The following CD36 variants were observed in gnomAD, a reference collection of about 807,000 sequenced individuals.
The protein encoded by CD36 is CD36 molecule (CD36 blood group).
Under a neutral mutation model 55.2 loss-of-function variants are expected in CD36, and 119 were observed. The ratio of observed to expected loss-of-function variants is 2.15; its 90% CI spans 1.86 to 2.51. CD36 has a LOEUF of 2.51. CD36 is among the 30% of genes most tolerant of loss of function. The pLI, the probability that CD36 is intolerant of heterozygous loss-of-function variation, is 0.00. For synonymous variants in CD36, 186 were observed against 193.6 expected, an observed-to-expected ratio of 0.96 and a Z score of 0.33; for missense variants, 819 against 555.5, an observed-to-expected ratio of 1.47 and a Z score of -4.77.
At chr7:80,645,725 G>A (rs938473380) in intron 1 of CD36, among the ~76,000 whole-genome samples, 4 of 152,090 alleles carry the variant, frequency 2.6e-5, no homozygotes, top group Non-Finnish European at 5.9e-5. Context: ...AACAGAATTA[G>A]CATGAATCAA....
At chr7:80,662,858 C>G (rs1249131998) in intron 5 of CD36, 132 bp from the exon 6 acceptor site, 17 of 737,908 alleles carry the variant, frequency 2.3e-5, no homozygotes, top group Non-Finnish European at 4.6e-6. Context: ...TGAGTTTTGG[C>G]AGGATCTGGC....
rs565765012 is a variant in CD36 at position 80,643,448 on chromosome 7, T to C, written c.-183-2640T>C. ...TAACTTAATCCTTGAGTTATACATG[T>C]TTTAAATAGATTTTCATACTATATT... On this transcript the variant is annotated intron_variant, in intron 1 of 14. Coordinates refer to ENST00000447544, the MANE Select transcript of CD36 (RefSeq NM_001001548.3). Among the ~76,000 whole-genome samples the C allele has an allele frequency of 5.3e-5, 8 of 152,322 alleles. No homozygotes were observed. The South Asian group carries it at 1.7e-3, about 32-fold the overall frequency.
intron 6 of CD36, among the ~76,000 whole-genome samples, chr7:80,663,546 C>T (rs1290964080): frequency 6.6e-6 from 1 of 152,134 alleles, no homozygotes; most frequent in East Asian, 1.9e-4. Flanking sequence ...ATATACTCCT[C>T]ATTCCTCCTT....
intron 12 of CD36, 149 bp downstream of exon 12, chr7:80,672,992 C>T (rs1797864851): frequency 4.6e-6 from 3 of 656,226 alleles, no homozygotes; most frequent in Admixed American, 2.4e-5. Flanking sequence ...TTATTAAATG[C>T]TTATGACTAA....
intron 8 of CD36, among the ~76,000 whole-genome samples, chr7:80,666,974 AAAC>A (rs1260828280): frequency 3.3e-5 from 5 of 152,202 alleles, no homozygotes; most frequent in Admixed American, 2.6e-4. Flanking sequence ...ATGAGAGAGA[AAAC>A]AATAACAAAG....
At chr7:80,658,004 A>G (rs1334188359) in intron 4 of CD36, among the ~76,000 whole-genome samples, 1 of 152,238 alleles carries the variant, frequency 6.6e-6, no homozygotes, top group Non-Finnish European at 1.5e-5. Flanking sequence ...AATAACAGGC[A>G]TGGTGAGGGT....
At chr7:80,654,929 T>G (rs546005556) in intron 3 of CD36, among the ~76,000 whole-genome samples, 3 of 150,966 alleles carry the variant, frequency 2.0e-5, no homozygotes, top group Non-Finnish European at 4.4e-5. Flanking sequence ...GGAGGACTAG[T>G]CTAAGGGTCA....
upstream of CD36, among the ~76,000 whole-genome samples, chr7:80,636,186 G>T (rs758241085): frequency 2.0e-5 from 3 of 152,086 alleles, no homozygotes; most frequent in Non-Finnish European, 4.4e-5. Context: ...AGGGGAGGAG[G>T]CTTGTAGGAA....
At chr7:80,667,150 G>T (rs754550129) in intron 8 of CD36, among the ~76,000 whole-genome samples, 3 of 152,120 alleles carry the variant, frequency 2.0e-5, no homozygotes, top group Non-Finnish European at 1.5e-5. Flanking sequence ...ATGGGAGGCT[G>T]GTCACAGTGG....
intron 14 of CD36, among the ~76,000 whole-genome samples, chr7:80,674,916 A>G (rs755857489): frequency 1.3e-5 from 2 of 152,102 alleles, no homozygotes; most frequent in Non-Finnish European, 2.9e-5. Flanking sequence ...TTTATCTCAC[A>G]TGATCCCTAA....
At chr7:80,627,029 G>C (rs189191664) in intron 1 of CD36, among the ~76,000 whole-genome samples, 274 of 152,068 alleles carry the variant, frequency 1.8e-3, no homozygotes, top group Non-Finnish European at 3.2e-3. Context: ...TCTCTCCTGA[G>C]ACAGACTATT....
chr7:80,664,811 G>T (rs1042425353), intron 7 of CD36, among the ~76,000 whole-genome samples: 1 of 146,846 alleles, frequency 6.8e-6, no homozygotes, highest in African/African-American at 2.5e-5. Context: ...CAGCATTACA[G>T]TATAATTATT....
chr7:80,674,012 C>CATGTTCA lies in CD36; in HGVS notation c.1285_1291dup (p.Arg431AsnfsTer125), dbSNP rs749971705. On this transcript the variant is annotated frameshift_variant, in exon 14 of 15. Coordinates refer to ENST00000447544, the MANE Select transcript of CD36 (RefSeq NM_001001548.3). LOFTEE classifies it high-confidence loss of function. ...GGACCATTGGTGATGAGAAGGCAAA[C>CATGTTCA]ATGTTCAGAAGTCAAGTAACTGGAA... 2.5e-6 allele frequency: 4 copies of CATGTTCA among 1,611,994 alleles called. No homozygotes were observed. Among genetic ancestry groups the CATGTTCA allele is most frequent in the Middle Eastern group, 3.3e-4 (2 of 6,052 alleles).
At position 80,657,256 on chromosome 7, in the gene CD36, C is replaced by A. The variant is rs559033258; in HGVS notation, c.281+556C>A. ...AGTTGAGGCCCACTAAAGAGTTTTACAAATCCTGGGTGATTTGAATACACA... is the reference window on the plus strand; with the variant it reads ...AGTTGAGGCCCACTAAAGAGTTTTAAAAATCCTGGGTGATTTGAATACACA... On this transcript the variant is annotated intron_variant, in intron 4 of 14. Coordinates refer to ENST00000447544, the MANE Select transcript of CD36 (RefSeq NM_001001548.3). 5.7e-4 allele frequency among the ~76,000 whole-genome samples: 87 copies of A among 152,202 alleles called. 1 individual carries two copies. The highest frequency in any genetic ancestry group is 6.8e-3 in the Middle Eastern group (2 of 294).
intron 1 of CD36, among the ~76,000 whole-genome samples, chr7:80,624,724 C>A (rs1023378816): frequency 1.3e-5 from 2 of 151,878 alleles, no homozygotes; most frequent in South Asian, 4.2e-4. Flanking sequence ...ACCAAAAATA[C>A]AGTAATACAA....
chr7:80,625,767 A>C (rs1234430177), intron 1 of CD36, among the ~76,000 whole-genome samples: 1 of 152,160 alleles, frequency 6.6e-6, no homozygotes, highest in African/African-American at 2.4e-5. Flanking sequence ...AAAGGCAAGG[A>C]ATTTATGAAG....
intron 1 of CD36, among the ~76,000 whole-genome samples, chr7:80,622,055 T>A (rs1056119114): frequency 2.0e-5 from 3 of 152,198 alleles, no homozygotes; most frequent in Non-Finnish European, 4.4e-5. Flanking sequence ...TAACCTTTTT[T>A]ACAACCAGCA....
At position 80,676,500 on chromosome 7, in the gene CD36, A is replaced by T. The variant is rs1482972150; in HGVS notation, c.*117A>T. On this transcript the variant is annotated 3_prime_UTR_variant, in exon 15 of 15. Coordinates refer to ENST00000447544, the MANE Select transcript of CD36 (RefSeq NM_001001548.3). ...AAATCCTAGGCCCTGCATTCCTGTC[A>T]TCCTCATCCGGGGGAAACACCATCA... 1 of 152,184 alleles carries T rather than the reference A, an allele frequency of 6.6e-6. No individual in the cohort carries two copies. Among genetic ancestry groups the T allele is most frequent in the South Asian group, 2.1e-4 (1 of 4,828 alleles). The allele number at this position is 152,184 out of a possible 1,614,324, so 9.4% of individuals were successfully genotyped here.
chr7:80,673,439 A>G, intron 13 of CD36, 30 bp downstream of exon 13: 1 of 1,310,558 alleles, frequency 7.6e-7, no homozygotes, highest in Non-Finnish European at 1.1e-6. Flanking sequence ...AGTCATTAAA[A>G]ACAACCTTCT....
Sources: allele counts gnomAD v4.1 joint callset (sites outside exome capture counted in the v4.1 genomes callset), GRCh38; gene constraint gnomAD v4.1.1; transcripts MANE v1.5; gene names NCBI Gene and HGNC (gene_info 2026-07-23, HGNC 2026-07-21).